KCNIP4: variants seen among roughly 807,000 people sequenced by gnomAD.
KCNIP4 encodes Kv channel-interacting protein 4.
A neutral mutation model predicts 34.0 loss-of-function variants in KCNIP4; 12 were observed. The ratio of observed to expected loss-of-function variants is 0.35; its 90% confidence interval spans 0.23 to 0.57. The LOEUF (loss-of-function observed/expected upper bound fraction) is 0.57, where lower values mean the gene tolerates loss of function less well. Ranked by LOEUF, KCNIP4 falls within the 20% of genes least tolerant of loss-of-function variation. The pLI, the probability that KCNIP4 is intolerant of heterozygous loss-of-function variation, is 0.83. For missense variants in KCNIP4, 238 were observed against 311.7 expected, an observed-to-expected ratio of 0.76 and a Z score of 1.78; for synonymous variants, 124 against 102.2, an observed-to-expected ratio of 1.21 and a Z score of -1.29.
chr4:21,738,180 T>A (rs1378240509), intron 1 of KCNIP4, among the ~76,000 whole-genome samples: 5 of 151,950 alleles, frequency 3.3e-5, no homozygotes, highest in African/African-American at 1.2e-4. Flanking sequence ...AATTTATTAA[T>A]ATTTTAAAAG....
intron 1 of KCNIP4, among the ~76,000 whole-genome samples, chr4:20,959,156 C>T (rs1733610257): frequency 6.6e-6 from 1 of 152,144 alleles, no homozygotes; most frequent in African/African-American, 2.4e-5. Flanking sequence ...GGCTGCTATC[C>T]AAGAGTAGCA....
intron 1 of KCNIP4, among the ~76,000 whole-genome samples, chr4:21,386,231 T>C (rs1385879910): frequency 6.6e-6 from 1 of 152,146 alleles, no homozygotes; most frequent in Non-Finnish European, 1.5e-5. Context: ...TAAAGAGAAA[T>C]TGAACAACTG....
chr4:20,942,668 T>G (rs1731762516), intron 1 of KCNIP4, among the ~76,000 whole-genome samples: 1 of 151,996 alleles, frequency 6.6e-6, no homozygotes, highest in Non-Finnish European at 1.5e-5. Flanking sequence ...TTCTTTTATT[T>G]TTATTTTTAT....
At chr4:21,178,815 C>CTTTTTTTTTTTTTTT (rs10611485) in intron 1 of KCNIP4, among the ~76,000 whole-genome samples, 7 of 136,780 alleles carry the variant, frequency 5.1e-5, no homozygotes, top group Non-Finnish European at 7.8e-5. Context: ...TAACACCAAA[C>CTTTTTTTTTTTTTTT]TTTTTTTTTT....
At chr4:21,520,740 C>T (rs1372355335) in intron 1 of KCNIP4, among the ~76,000 whole-genome samples, 3 of 152,090 alleles carry the variant, frequency 2.0e-5, no homozygotes, top group African/African-American at 7.2e-5. Context: ...AAAATGCTGC[C>T]TGCCCACCTG....
chr4:21,123,917 A>G (rs1443195476), intron 1 of KCNIP4, among the ~76,000 whole-genome samples: 1 of 152,202 alleles, frequency 6.6e-6, no homozygotes, highest in Admixed American at 6.5e-5. Context: ...CCCTGTGCTC[A>G]GACTTCCAGC....
At chr4:21,176,121 T>G (rs1378034925) in intron 1 of KCNIP4, among the ~76,000 whole-genome samples, 1 of 152,246 alleles carries the variant, frequency 6.6e-6, no homozygotes, top group Non-Finnish European at 1.5e-5. Context: ...AAGCTAAGAT[T>G]TTTAGTCAAG....
chr4:21,030,556 G>A (rs1224770645), intron 1 of KCNIP4, among the ~76,000 whole-genome samples: 3 of 152,112 alleles, frequency 2.0e-5, no homozygotes, highest in Non-Finnish European at 1.5e-5. Context: ...AAATGTTGGG[G>A]ACCACTGATC....
chr4:20,993,281 A>G (rs1237032166), intron 1 of KCNIP4, among the ~76,000 whole-genome samples: 1 of 152,176 alleles, frequency 6.6e-6, no homozygotes, highest in Non-Finnish European at 1.5e-5. Context: ...TGCACTATAG[A>G]AGAGATTTCT....
At chr4:21,836,339 A>G (rs552073264) in intron 1 of KCNIP4, among the ~76,000 whole-genome samples, 1 of 152,270 alleles carries the variant, frequency 6.6e-6, no homozygotes, top group African/African-American at 2.4e-5. Flanking sequence ...TTTTGCCTGA[A>G]AGTAGAAAGC....
intron 1 of KCNIP4, among the ~76,000 whole-genome samples, chr4:21,258,311 C>T (rs1761216966): frequency 6.6e-6 from 1 of 152,152 alleles, no homozygotes; most frequent in Non-Finnish European, 1.5e-5. Flanking sequence ...ACAGTAGGTG[C>T]TCAATACATA....
chr4:21,300,629 C>T (rs181820969), intron 1 of KCNIP4, among the ~76,000 whole-genome samples: 1 of 152,188 alleles, frequency 6.6e-6, no homozygotes, highest in African/African-American at 2.4e-5. Flanking sequence ...GAAACAGCAG[C>T]CCCACACGTC....
intron 1 of KCNIP4, among the ~76,000 whole-genome samples, chr4:21,079,166 AG>A (rs1261228080): frequency 6.6e-6 from 1 of 152,110 alleles, no homozygotes; most frequent in Non-Finnish European, 1.5e-5. Flanking sequence ...CTTTATAGAA[AG>A]GACTCTAGAG....
intron 1 of KCNIP4, among the ~76,000 whole-genome samples, chr4:21,491,386 TG>T (rs1732384949): frequency 6.6e-6 from 1 of 152,104 alleles, no homozygotes; most frequent in Non-Finnish European, 1.5e-5. Context: ...ACTTGTTTTT[TG>T]TTTGTTTGAG....
chr4:21,004,073 G>A (rs1361302797), intron 1 of KCNIP4, among the ~76,000 whole-genome samples: 2 of 152,146 alleles, frequency 1.3e-5, no homozygotes, highest in Non-Finnish European at 2.9e-5. Flanking sequence ...GCAGGAGAAT[G>A]GCATGAATAG....
In KCNIP4 at chr4:20,939,131, C is replaced by T. The variant is rs73242580; in HGVS notation, c.62-56422G>A. On this transcript the variant is annotated intron_variant, in intron 1 of 8. Coordinates refer to ENST00000382152, the MANE Select transcript of KCNIP4 (RefSeq NM_025221.6). ...ATCTCTAAGCTTTCCTGATGTTGCT[C>T]TAAATCTCTCACCATTCCTTCCTAC... Among the ~76,000 whole-genome samples the T allele has an allele frequency of 9.4e-3, 1,424 of 152,146 alleles. 18 individuals carry two copies. Among genetic ancestry groups the T allele is most frequent in the Middle Eastern group, 0.024 (7 of 294 alleles).
At chr4:21,910,810 T>C (rs1728263506) in intron 1 of KCNIP4, among the ~76,000 whole-genome samples, 1 of 152,198 alleles carries the variant, frequency 6.6e-6, no homozygotes, top group African/African-American at 2.4e-5. Context: ...CGAACTATTA[T>C]TAAATGTAGA....
chr4:21,679,774 TAA>T (rs1380422418), intron 1 of KCNIP4, among the ~76,000 whole-genome samples: 3 of 152,222 alleles, frequency 2.0e-5, no homozygotes, highest in Admixed American at 1.3e-4. Context: ...CCAGTGCACG[TAA>T]AAGTTTTGTT....
intron 5 of KCNIP4, among the ~76,000 whole-genome samples, chr4:20,742,033 C>G (rs1048334105): frequency 6.6e-6 from 1 of 152,030 alleles, no homozygotes; most frequent in Non-Finnish European, 1.5e-5. Context: ...AAGTTGAATC[C>G]CTGAATAGAC....
Sources: allele counts gnomAD v4.1 joint callset (sites outside exome capture counted in the v4.1 genomes callset), GRCh38; gene constraint gnomAD v4.1.1; transcripts MANE v1.5; gene names NCBI Gene and HGNC (gene_info 2026-07-23, HGNC 2026-07-21).